The following IL1RAPL1 variants were observed in gnomAD, a reference collection of about 807,000 sequenced individuals.
IL1RAPL1 encodes interleukin-1 receptor accessory protein-like 1.
Under a neutral mutation model 48.4 loss-of-function variants are expected in IL1RAPL1, and 3 were observed. The observed-to-expected ratio is 0.06, with a 90% CI of 0.03 to 0.16. The LOEUF is 0.16. IL1RAPL1 is among the 10% of genes least tolerant of loss of function. The pLI is 1.00. For missense variants in IL1RAPL1, 349 were observed against 530.6 expected (o/e 0.66, Z 3.36); for synonymous variants, 185 against 187.7 (o/e 0.99, Z 0.12).
At chrX:29,337,722 T>G (rs1011837212) in intron 3 of IL1RAPL1, among the ~76,000 whole-genome samples, 11 of 111,793 alleles carry the variant, frequency 9.8e-5, no homozygotes, top group African/African-American at 3.3e-4. Context: ...TCACCCAGGC[T>G]GGAGTGCAGT....
intron 5 of IL1RAPL1, among the ~76,000 whole-genome samples, chrX:29,622,965 T>G (rs1232166644): frequency 6.3e-5 from 7 of 110,562 alleles, no homozygotes; most frequent in Non-Finnish European, 1.1e-4. Context: ...TATCTATATT[T>G]ATCTATGTTT....
At chrX:29,552,048 A>T (rs1921833521) in intron 5 of IL1RAPL1, among the ~76,000 whole-genome samples, 1 of 111,255 alleles carries the variant, frequency 9.0e-6, no homozygotes, top group African/African-American at 3.3e-5. Context: ...TTTACCAGCT[A>T]TTGTCTGCTC....
At chrX:28,634,515 G>C (rs1339720804) in intron 1 of IL1RAPL1, among the ~76,000 whole-genome samples, 1 of 108,822 alleles carries the variant, frequency 9.2e-6, no homozygotes, top group Non-Finnish European at 1.9e-5. Context: ...ATATATATGA[G>C]CTCCTCAAGC....
intron 6 of IL1RAPL1, among the ~76,000 whole-genome samples, chrX:29,777,286 A>T (rs1174989462): frequency 8.9e-6 from 1 of 112,163 alleles, no homozygotes; most frequent in Non-Finnish European, 1.9e-5. Flanking sequence ...CTGTTGTTTA[A>T]AAACAACAGA....
At chrX:29,159,633 A>G (rs1159558136) in intron 2 of IL1RAPL1, among the ~76,000 whole-genome samples, 1 of 112,361 alleles carries the variant, frequency 8.9e-6, no homozygotes, top group Non-Finnish European at 1.9e-5. Context: ...TGGATAGCCC[A>G]GCATTCTTTT....
intron 6 of IL1RAPL1, among the ~76,000 whole-genome samples, chrX:29,718,603 T>A (rs1213665489): frequency 5.0e-5 from 4 of 80,343 alleles, no homozygotes; most frequent in Non-Finnish European, 4.7e-5. Context: ...GCTAAAGTAT[T>A]AAAAAAAAAA....
chrX:29,698,582 G>A lies in IL1RAPL1; in HGVS notation c.778+30078G>A, dbSNP rs1349143482. 4.9e-5 allele frequency among the ~76,000 whole-genome samples: 5 copies of A among 102,224 alleles called. No individual in the cohort carries two copies. The South Asian group carries it at 1.7e-3, about 34-fold the overall frequency. The allele number at this position is 102,224 out of a possible 115,157, so 88.8% of individuals were successfully genotyped here. On this transcript the variant is annotated intron_variant, in intron 6 of 10. Transcript: ENST00000378993. ...GGAAGGAAGAACAGAAGGATAGAAG[G>A]ATAGAAGGAAGGGAGGGAGGGAGGG...
At chrX:29,304,259 C>T (rs1319029968) in intron 3 of IL1RAPL1, among the ~76,000 whole-genome samples, 2 of 110,792 alleles carry the variant, frequency 1.8e-5, no homozygotes, top group Non-Finnish European at 3.8e-5. Context: ...TCAATGGCAA[C>T]TCTTTTTTTT....
chrX:28,894,463 G>A (rs1198585679), intron 2 of IL1RAPL1, among the ~76,000 whole-genome samples: 2 of 111,446 alleles, frequency 1.8e-5, no homozygotes, highest in Non-Finnish European at 3.8e-5. Flanking sequence ...CAGTCATGGG[G>A]GTCAGGTGTG....
chrX:29,461,414 C>A (rs1355499321), intron 5 of IL1RAPL1, among the ~76,000 whole-genome samples: 2 of 111,240 alleles, frequency 1.8e-5, no homozygotes, highest in Non-Finnish European at 3.8e-5. Flanking sequence ...ATACTATATA[C>A]GTAACTATAA....
chrX:29,333,510 G>A (rs1487532933), intron 3 of IL1RAPL1, among the ~76,000 whole-genome samples: 2 of 84,091 alleles, frequency 2.4e-5, no homozygotes, highest in African/African-American at 4.7e-5. Context: ...CCTCCCGGAC[G>A]GGGCGGCTGG....
intron 5 of IL1RAPL1, among the ~76,000 whole-genome samples, chrX:29,519,128 G>A (rs770661098): frequency 1.8e-5 from 2 of 111,581 alleles, no homozygotes; most frequent in South Asian, 7.5e-4. Context: ...CACCTGAAAT[G>A]GGGAAGGGCT....
At chrX:28,928,004 C>G (rs768015114) in intron 2 of IL1RAPL1, among the ~76,000 whole-genome samples, 14 of 110,902 alleles carry the variant, frequency 1.3e-4, no homozygotes, top group Non-Finnish European at 2.5e-4. Flanking sequence ...AAACAGCTTA[C>G]TTGACATACC....
intron 6 of IL1RAPL1, among the ~76,000 whole-genome samples, chrX:29,703,328 A>C (rs1327754777): frequency 9.1e-6 from 1 of 110,273 alleles, no homozygotes; most frequent in Non-Finnish European, 1.9e-5. Context: ...TTATTTTATT[A>C]ATTATTTTCA....
At chrX:29,685,380 G>A (rs1374037608) in intron 6 of IL1RAPL1, among the ~76,000 whole-genome samples, 2 of 110,540 alleles carry the variant, frequency 1.8e-5, no homozygotes, top group Non-Finnish European at 1.9e-5. Flanking sequence ...GTGGGCACCT[G>A]TAATCCCAGC....
At chrX:29,035,296 A>G (rs1479441173) in intron 2 of IL1RAPL1, among the ~76,000 whole-genome samples, 1 of 111,754 alleles carries the variant, frequency 8.9e-6, no homozygotes, top group Non-Finnish European at 1.9e-5. Flanking sequence ...AAGTATTGTT[A>G]TAGTGAGAGA....
At chrX:28,873,286 T>C (rs1218254192) in intron 2 of IL1RAPL1, among the ~76,000 whole-genome samples, 1 of 106,846 alleles carries the variant, frequency 9.4e-6, no homozygotes, top group Non-Finnish European at 1.9e-5. Context: ...GATATTTGTA[T>C]TTTTATTAGA....
chrX:29,353,432 T>C (rs773027940), intron 3 of IL1RAPL1, among the ~76,000 whole-genome samples: 2 of 111,874 alleles, frequency 1.8e-5, no homozygotes, highest in Admixed American at 1.9e-4. Context: ...CATTTGACTA[T>C]AGACCATATA....
intron 3 of IL1RAPL1, among the ~76,000 whole-genome samples, chrX:29,313,133 A>G (rs904956855): frequency 2.7e-5 from 3 of 111,747 alleles, no homozygotes; most frequent in Non-Finnish European, 5.6e-5. Context: ...TTAACCACAG[A>G]GAGGTTTAAA....
Sources: allele counts gnomAD v4.1 joint callset (sites outside exome capture counted in the v4.1 genomes callset), GRCh38; gene constraint gnomAD v4.1.1; transcripts MANE v1.5; gene names NCBI Gene and HGNC (gene_info 2026-07-23, HGNC 2026-07-21).